GPD2: variants seen among roughly 807,000 people sequenced by gnomAD.
GPD2 encodes glycerol-3-phosphate dehydrogenase 2, also known as glycerol-3-phosphate dehydrogenase, mitochondrial.
Under a neutral mutation model 82.4 loss-of-function variants are expected in GPD2, and 54 were observed. That is an observed-to-expected ratio of 0.66 (90% CI 0.53 to 0.82). The LOEUF is 0.82. Ranked by LOEUF, GPD2 falls within the 40% of genes least tolerant of loss-of-function variation. The pLI is 0.00. For missense variants in GPD2, 748 were observed against 896.2 expected, an observed-to-expected ratio of 0.83 and a Z score of 2.11; for synonymous variants, 288 against 306.1, an observed-to-expected ratio of 0.94 and a Z score of 0.62.
the GPD2 span, among the ~76,000 whole-genome samples, chr2:156,421,253 C>T: frequency 6.6e-6 from 1 of 152,214 alleles, no homozygotes. Flanking sequence ...TGCAGATCCT[C>T]TGTCCCCAAA....
chr2:156,494,081 A>G (rs926671555), intron 2 of GPD2, among the ~76,000 whole-genome samples: 1 of 152,300 alleles, frequency 6.6e-6, no homozygotes, highest in African/African-American at 2.4e-5. Flanking sequence ...AAGGTAAAAA[A>G]TAGGGACATG....
chr2:156,427,105 A>G, the GPD2 span, among the ~76,000 whole-genome samples: 2 of 152,204 alleles, frequency 1.3e-5, no homozygotes, highest in African/African-American at 2.4e-5. Context: ...CTGAGTCTCT[A>G]TACCCCAGCC....
At chr2:156,497,111 C>T (rs540386796) in intron 3 of GPD2, among the ~76,000 whole-genome samples, 3 of 152,212 alleles carry the variant, frequency 2.0e-5, no homozygotes, top group Non-Finnish European at 4.4e-5. Flanking sequence ...AATTTGGAGT[C>T]AGGGAAATCT....
At chr2:156,426,827 A>G in the GPD2 span, among the ~76,000 whole-genome samples, 1 of 27,842 alleles carries the variant, frequency 3.6e-5, no homozygotes, top group East Asian at 3.1e-3. Flanking sequence ...GAGAAATTTA[A>G]AAAAAAAAGA....
the GPD2 span, among the ~76,000 whole-genome samples, chr2:156,420,601 A>G: frequency 6.6e-6 from 1 of 152,226 alleles, no homozygotes; most frequent in Non-Finnish European, 1.5e-5. Flanking sequence ...GGTCAATAGA[A>G]ACTAACATGA....
chr2:156,478,646 G>A (rs1329080629), intron 2 of GPD2, among the ~76,000 whole-genome samples: 3 of 151,792 alleles, frequency 2.0e-5, no homozygotes, highest in South Asian at 4.2e-4. Flanking sequence ...CCATTCTAGC[G>A]GGGGGGAATT....
intron 2 of GPD2, among the ~76,000 whole-genome samples, chr2:156,483,179 A>G (rs571311166): frequency 6.6e-6 from 1 of 152,312 alleles, no homozygotes; most frequent in East Asian, 1.9e-4. Flanking sequence ...AGTCAAAATA[A>G]GATCTAATTT....
upstream of GPD2, among the ~76,000 whole-genome samples, chr2:156,434,479 CTATT>C (rs887419603): frequency 7.2e-5 from 11 of 152,212 alleles, no homozygotes; most frequent in Admixed American, 2.6e-4. Flanking sequence ...AAAAAACAAA[CTATT>C]AATTGTCTAT....
intron 7 of GPD2, among the ~76,000 whole-genome samples, chr2:156,550,183 C>G (rs1368225191): frequency 6.6e-6 from 1 of 152,206 alleles, no homozygotes; most frequent in Non-Finnish European, 1.5e-5. Context: ...TGCCCTGGCT[C>G]TAGCGCCATA....
chr2:156,539,996 C>A (rs1240276252), intron 6 of GPD2, among the ~76,000 whole-genome samples: 3 of 152,106 alleles, frequency 2.0e-5, no homozygotes, highest in Non-Finnish European at 4.4e-5. Flanking sequence ...TTAGGGCTTG[C>A]TCAGGTTTTT....
chr2:156,442,064 T>G (rs531075320), intron 1 of GPD2, among the ~76,000 whole-genome samples: 8 of 152,196 alleles, frequency 5.3e-5, no homozygotes, highest in African/African-American at 1.9e-4. Context: ...TTTTCAAGCC[T>G]TATGTTTTTT....
At chr2:156,498,681 G>C (rs1413490984) in intron 3 of GPD2, among the ~76,000 whole-genome samples, 1 of 152,106 alleles carries the variant, frequency 6.6e-6, no homozygotes, top group East Asian at 1.9e-4. Context: ...TGGTGATGGG[G>C]AATGGATACA....
At chr2:156,559,634 G>C (rs1400551686) in intron 9 of GPD2, among the ~76,000 whole-genome samples, 1 of 152,042 alleles carries the variant, frequency 6.6e-6, no homozygotes, top group African/African-American at 2.4e-5. Context: ...ATATTGTATA[G>C]TATTAATTGC....
At chr2:156,566,659 T>C (rs1483064165) in intron 9 of GPD2, among the ~76,000 whole-genome samples, 1 of 152,132 alleles carries the variant, frequency 6.6e-6, no homozygotes, top group Non-Finnish European at 1.5e-5. Flanking sequence ...CTATTGTTAG[T>C]AATGCTATGA....
the GPD2 span, among the ~76,000 whole-genome samples, chr2:156,428,147 A>G: frequency 6.6e-6 from 1 of 152,194 alleles, no homozygotes; most frequent in African/African-American, 2.4e-5. Flanking sequence ...CAGAATGTGA[A>G]TAACTTTGGG....
chr2:156,467,783 T>C (rs1683198884), intron 1 of GPD2, among the ~76,000 whole-genome samples: 1 of 152,178 alleles, frequency 6.6e-6, no homozygotes, highest in Non-Finnish European at 1.5e-5. Flanking sequence ...CCTCTCTGTT[T>C]CCAGAGAACA....
At chr2:156,402,136 C>T in the GPD2 span, among the ~76,000 whole-genome samples, 14 of 152,212 alleles carry the variant, frequency 9.2e-5, no homozygotes, top group African/African-American at 3.4e-4. Context: ...TTGGAACACA[C>T]AATATTATGT....
the GPD2 span, among the ~76,000 whole-genome samples, chr2:156,430,197 G>A: frequency 3.3e-5 from 5 of 152,116 alleles, no homozygotes; most frequent in Admixed American, 6.5e-5. Context: ...ATTGGTAATA[G>A]TTCTATTGAC....
chr2:156,534,158 T>G (rs1312960887), intron 6 of GPD2, among the ~76,000 whole-genome samples: 1 of 152,170 alleles, frequency 6.6e-6, no homozygotes, highest in East Asian at 1.9e-4. Flanking sequence ...GAATATGAAC[T>G]TCGCCTGGAG....
Sources: allele counts gnomAD v4.1 joint callset (sites outside exome capture counted in the v4.1 genomes callset), GRCh38; gene constraint gnomAD v4.1.1; transcripts MANE v1.5; gene names NCBI Gene and HGNC (gene_info 2026-07-23, HGNC 2026-07-21).